PLXDC2: variants seen among roughly 807,000 people sequenced by gnomAD.
PLXDC2 encodes plexin domain containing 2, also known as plexin domain-containing protein 2.
In PLXDC2, 40 loss-of-function variants were observed where a neutral mutation model predicts 68.9. That is an observed-to-expected ratio of 0.58 (90% confidence interval 0.45 to 0.76). The LOEUF (loss-of-function observed/expected upper bound fraction) is 0.76, where lower values mean the gene tolerates loss of function less well. PLXDC2 is among the 30% of genes least tolerant of loss of function. The probability of loss-of-function intolerance (pLI) is 0.00; values close to 1 mark genes in which losing one functional copy is unlikely to be tolerated. For missense variants in PLXDC2, 644 were observed against 661.9 expected (o/e 0.97, Z 0.30); for synonymous variants, 243 against 234.2 (o/e 1.04, Z -0.34).
chr10:20,119,283 G>A (rs1330157359), intron 4 of PLXDC2, among the ~76,000 whole-genome samples: 7 of 152,134 alleles, frequency 4.6e-5, no homozygotes, highest in East Asian at 3.9e-4. Flanking sequence ...GGGTGCAGGC[G>A]GGCTGAGTCC....
chr10:20,018,708 C>G (rs1393363482), intron 2 of PLXDC2, among the ~76,000 whole-genome samples: 1 of 151,842 alleles, frequency 6.6e-6, no homozygotes, highest in Non-Finnish European at 1.5e-5. Flanking sequence ...TCATTTTTTT[C>G]TTCTTTTTTT....
At chr10:20,154,079 T>TA (rs757829810) in intron 6 of PLXDC2, among the ~76,000 whole-genome samples, 1 of 152,118 alleles carries the variant, frequency 6.6e-6, no homozygotes, top group Non-Finnish European at 1.5e-5. Context: ...CTTTCTTAAA[T>TA]ACATGGAGTT....
At chr10:20,252,331 T>C (rs778825975) in intron 13 of PLXDC2, among the ~76,000 whole-genome samples, 9 of 152,222 alleles carry the variant, frequency 5.9e-5, no homozygotes, top group Non-Finnish European at 1.2e-4. Flanking sequence ...CAATATCTCA[T>C]CAATAATTTC....
intron 1 of PLXDC2, among the ~76,000 whole-genome samples, chr10:19,919,012 G>A (rs1409229006): frequency 2.0e-5 from 3 of 152,168 alleles, no homozygotes; most frequent in Non-Finnish European, 2.9e-5. Flanking sequence ...TGACACATGG[G>A]ATGGGTCAGG....
At chr10:19,878,394 C>T (rs1434118035) in intron 1 of PLXDC2, among the ~76,000 whole-genome samples, 3 of 151,856 alleles carry the variant, frequency 2.0e-5, no homozygotes, top group East Asian at 1.9e-4. Context: ...ATTGCCATCT[C>T]GTGGATTTAA....
intron 4 of PLXDC2, among the ~76,000 whole-genome samples, chr10:20,080,237 C>T (rs1011677182): frequency 2.0e-5 from 3 of 152,068 alleles, no homozygotes; most frequent in Non-Finnish European, 4.4e-5. Flanking sequence ...CATGAGAGAG[C>T]TGAGATTGCA....
At chr10:19,908,820 A>G (rs1174628879) in intron 1 of PLXDC2, among the ~76,000 whole-genome samples, 1 of 152,144 alleles carries the variant, frequency 6.6e-6, no homozygotes, top group Non-Finnish European at 1.5e-5. Context: ...TTTCCAGGGA[A>G]GGGAGTTTCT....
At chr10:20,124,463 G>T (rs1451176358) in intron 4 of PLXDC2, among the ~76,000 whole-genome samples, 1 of 152,112 alleles carries the variant, frequency 6.6e-6, no homozygotes, top group Non-Finnish European at 1.5e-5. Context: ...CTTTCTCACG[G>T]AGCAAAGGAC....
At chr10:19,988,813 T>TTTTTTTTTTG (rs1834694972) in intron 1 of PLXDC2, among the ~76,000 whole-genome samples, 1 of 108,168 alleles carries the variant, frequency 9.2e-6, no homozygotes, top group Admixed American at 1.0e-4. Flanking sequence ...TTTTTTTTTT[T>TTTTTTTTTTG]GAGATGGAGT....
chr10:19,923,959 G>C (rs555480441), intron 1 of PLXDC2, among the ~76,000 whole-genome samples: 1 of 152,252 alleles, frequency 6.6e-6, no homozygotes, highest in East Asian at 1.9e-4. Context: ...CACTCCTTGG[G>C]AGGCTGAAGG....
intron 1 of PLXDC2, among the ~76,000 whole-genome samples, chr10:19,880,705 T>A (rs964208922): frequency 6.6e-6 from 1 of 152,218 alleles, no homozygotes. Flanking sequence ...CCCAACATCA[T>A]CTGTCTTCAC....
intron 13 of PLXDC2, among the ~76,000 whole-genome samples, chr10:20,266,157 G>T (rs2119373005): frequency 6.6e-6 from 1 of 152,262 alleles, no homozygotes; most frequent in African/African-American, 2.4e-5. Context: ...TGAGAAATCA[G>T]GGAAAATCAA....
intron 2 of PLXDC2, among the ~76,000 whole-genome samples, chr10:20,028,396 T>A (rs1835438280): frequency 6.6e-6 from 1 of 152,180 alleles, no homozygotes; most frequent in African/African-American, 2.4e-5. Context: ...AAAATAGAAA[T>A]GCAGGTGTTA....
intron 2 of PLXDC2, among the ~76,000 whole-genome samples, chr10:20,045,474 C>T (rs12243110): frequency 0.23 from 34,593 of 152,090 alleles, 5,269 homozygotes; most frequent in African/African-American, 0.43. Context: ...CTAGGGTCTT[C>T]ATTACATAAA....
Position 20,283,327 on chromosome 10 carries a change from T to C in PLXDC2, c.*3508T>C, listed in dbSNP as rs991250875. ...AGAAAAACAATTTTTGTCCTGTCTT[T>C]CTTGCAAGATTATTATGCAACCTGA... On this transcript the variant is annotated 3_prime_UTR_variant, in exon 14 of 14. Coordinates refer to ENST00000377252, the MANE Select transcript of PLXDC2 (RefSeq NM_032812.9). 4 of 152,214 alleles carry C rather than the reference T, an allele frequency of 2.6e-5. No homozygotes were observed. The highest frequency in any genetic ancestry group is 5.9e-5 in the Non-Finnish European group (4 of 68,032). 9.4% of individuals were successfully genotyped at this position (152,214 alleles called of 1,614,324 possible).
At chr10:19,899,897 C>T (rs993785978) in intron 1 of PLXDC2, among the ~76,000 whole-genome samples, 9 of 151,986 alleles carry the variant, frequency 5.9e-5, no homozygotes, top group Admixed American at 5.3e-4. Context: ...CTTGATATTT[C>T]TTGGGTCAAG....
chr10:20,151,177 T>G (rs1293079551), intron 6 of PLXDC2, among the ~76,000 whole-genome samples: 1 of 152,214 alleles, frequency 6.6e-6, no homozygotes, highest in African/African-American at 2.4e-5. Context: ...TTTGTAAAAT[T>G]TGTCGTAAGA....
At chr10:19,901,528 G>T (rs1310118171) in intron 1 of PLXDC2, among the ~76,000 whole-genome samples, 1 of 151,884 alleles carries the variant, frequency 6.6e-6, no homozygotes, top group East Asian at 1.9e-4. Flanking sequence ...GGGATCATTT[G>T]TTTTTTTCTT....
At chr10:20,132,258 A>G (rs1304378637) in intron 4 of PLXDC2, among the ~76,000 whole-genome samples, 3 of 29,684 alleles carry the variant, frequency 1.0e-4, no homozygotes, top group African/African-American at 2.0e-4. Flanking sequence ...CTTTTATTTG[A>G]CCTAACGTGG....
Sources: allele counts gnomAD v4.1 joint callset (sites outside exome capture counted in the v4.1 genomes callset), GRCh38; gene constraint gnomAD v4.1.1; transcripts MANE v1.5; gene names NCBI Gene and HGNC (gene_info 2026-07-23, HGNC 2026-07-21).